The following SLC5A4 variants were observed in gnomAD, a reference collection of about 807,000 sequenced individuals.
SLC5A4 encodes the protein probable glucose sensor protein SLC5A4.
In SLC5A4, 55 loss-of-function variants were observed where a neutral mutation model predicts 70.3. The ratio of observed to expected loss-of-function variants is 0.78; its 90% CI spans 0.63 to 0.98. The LOEUF (loss-of-function observed/expected upper bound fraction) is 0.98, where lower values mean the gene tolerates loss of function less well. Among genes scored for constraint, SLC5A4 ranks in the 50% least tolerant of loss-of-function variants. SLC5A4 has a pLI of 0.00. For synonymous variants in SLC5A4, 268 were observed against 305.7 expected (o/e 0.88, Z 1.29); for missense variants, 735 against 839.2 (o/e 0.88, Z 1.53).
the SLC5A4 span, among the ~76,000 whole-genome samples, chr22:32,322,585 CA>C: frequency 2.4e-4 from 34 of 139,530 alleles, no homozygotes; most frequent in Middle Eastern, 3.7e-3. Context: ...GACTCTGTCT[CA>C]AAAAAAAAAA....
At chr22:32,245,204 C>T (rs546811777) in intron 5 of SLC5A4, among the ~76,000 whole-genome samples, 6 of 152,258 alleles carry the variant, frequency 3.9e-5, no homozygotes, top group Admixed American at 3.9e-4. Context: ...GGAGACAATC[C>T]GTGTGTCAGA....
the SLC5A4 span, among the ~76,000 whole-genome samples, chr22:32,336,762 T>C: frequency 5.9e-5 from 9 of 152,216 alleles, no homozygotes; most frequent in South Asian, 2.1e-4. Flanking sequence ...GCTGAAGACA[T>C]TGATTTTTCC....
At chr22:32,275,492 T>C in the SLC5A4 span, among the ~76,000 whole-genome samples, 1 of 152,182 alleles carries the variant, frequency 6.6e-6, no homozygotes, top group Admixed American at 6.5e-5. Context: ...CTTGCGATAG[T>C]TTGCTGAGAA....
At chr22:32,289,531 G>A in the SLC5A4 span, among the ~76,000 whole-genome samples, 1 of 152,154 alleles carries the variant, frequency 6.6e-6, no homozygotes, top group African/African-American at 2.4e-5. Context: ...CTTGTTGCTG[G>A]AGTGCAGTGC....
At chr22:32,271,381 C>T in the SLC5A4 span, 1 of 755,024 alleles carries the variant, frequency 1.3e-6, no homozygotes, top group South Asian at 1.4e-5. Flanking sequence ...CGCCAGAGCA[C>T]ACCTTACCTG....
chr22:32,277,646 C>A, the SLC5A4 span, among the ~76,000 whole-genome samples: 12 of 152,300 alleles, frequency 7.9e-5, no homozygotes, highest in East Asian at 2.3e-3. Context: ...TTCCCGGGTT[C>A]ATGCCATTCT....
intron 9 of SLC5A4, among the ~76,000 whole-genome samples, chr22:32,231,367 A>C (rs1825636390): frequency 6.6e-6 from 1 of 152,232 alleles, no homozygotes; most frequent in Non-Finnish European, 1.5e-5. Context: ...ATCCTCTGGG[A>C]AAACAGCAAA....
chr22:32,239,569 T>TA (rs1926355830), intron 5 of SLC5A4, among the ~76,000 whole-genome samples: 46 of 21,038 alleles, frequency 2.2e-3, no homozygotes, highest in Non-Finnish European at 3.0e-3. Context: ...TATATATATA[T>TA]TTATATATAT....
chr22:32,332,849 C>T, the SLC5A4 span, among the ~76,000 whole-genome samples: 1 of 152,222 alleles, frequency 6.6e-6, no homozygotes, highest in East Asian at 1.9e-4. Flanking sequence ...CCACAAAGTG[C>T]TCTGAGATGC....
the SLC5A4 span, among the ~76,000 whole-genome samples, chr22:32,349,164 A>G: frequency 9.2e-5 from 14 of 152,124 alleles, no homozygotes; most frequent in African/African-American, 3.4e-4. Flanking sequence ...TAGTAGAGAC[A>G]GGGTTTCACC....
chr22:32,280,470 C>T, the SLC5A4 span, among the ~76,000 whole-genome samples: 4 of 152,110 alleles, frequency 2.6e-5, no homozygotes, highest in South Asian at 4.1e-4. Flanking sequence ...TCAACTTAGT[C>T]GACACTGCTC....
the SLC5A4 span, among the ~76,000 whole-genome samples, chr22:32,336,330 C>T: frequency 6.6e-6 from 1 of 152,240 alleles, no homozygotes; most frequent in African/African-American, 2.4e-5. Flanking sequence ...CCCAGATTCA[C>T]CTGGGCCTTT....
intron 4 of SLC5A4, among the ~76,000 whole-genome samples, chr22:32,247,890 G>A (rs976030046): frequency 2.0e-5 from 3 of 152,150 alleles, no homozygotes; most frequent in Non-Finnish European, 4.4e-5. Context: ...CTCTGATCTG[G>A]AATCCCTGGC....
At chr22:32,229,096 T>C (rs1040876216) in intron 11 of SLC5A4, 98 bp downstream of exon 11, 32 of 1,137,564 alleles carry the variant, frequency 2.8e-5, no homozygotes, top group Non-Finnish European at 3.5e-5. Context: ...CCAGATGCTA[T>C]GATTACTTTC....
chr22:32,301,557 TGGAATACTTAATATTGTTA>T, the SLC5A4 span, among the ~76,000 whole-genome samples: 1 of 152,232 alleles, frequency 6.6e-6, no homozygotes, highest in South Asian at 2.1e-4. Flanking sequence ...GTTCATGGAT[TGGAATACTTAATATTGTTA>T]ATGTGACAAT....
At chr22:32,269,027 G>C in the SLC5A4 span, among the ~76,000 whole-genome samples, 80 of 152,056 alleles carry the variant, frequency 5.3e-4, no homozygotes, top group Admixed American at 1.4e-3. This position sits in a 1 kb window ranked among gnomAD's most constrained non-coding sequence, Gnocchi z 4.1. Context: ...TGAGTAGCTG[G>C]GACTGCAGGA....
upstream of SLC5A4, chr22:32,255,402 C>T (rs1216811576): frequency 1.3e-6 from 2 of 1,539,934 alleles, no homozygotes; most frequent in Admixed American, 1.7e-5. Context: ...TGATCAGCCT[C>T]AGGCAGGTGG....
the SLC5A4 span, among the ~76,000 whole-genome samples, chr22:32,350,834 G>GA: frequency 2.0e-5 from 3 of 150,110 alleles, no homozygotes; most frequent in East Asian, 3.9e-4. Flanking sequence ...TTGTTGGCTT[G>GA]AAAAAAATGA....
chr22:32,320,358 C>T, the SLC5A4 span, among the ~76,000 whole-genome samples: 14 of 152,186 alleles, frequency 9.2e-5, no homozygotes, highest in Non-Finnish European at 1.5e-4. Flanking sequence ...AGCAGTCTCA[C>T]GTAACGATTA....
Sources: gnomAD v4.1 joint callset for allele counts (sites outside exome capture counted in the v4.1 genomes callset) on GRCh38, gnomAD v4.1.1 for gene constraint, Gnocchi (gnomAD v3.1) non-coding constraint, MANE v1.5 for transcripts, NCBI Gene and HGNC (gene_info 2026-07-23, HGNC 2026-07-21) for gene names.